STX2: variants seen among roughly 807,000 people sequenced by gnomAD.
The protein encoded by STX2 is syntaxin-2.
STX2 carries 27 observed loss-of-function variants against 40.6 expected under a neutral mutation model. That is an observed-to-expected ratio of 0.66 (90% CI 0.49 to 0.92). The LOEUF (loss-of-function observed/expected upper bound fraction) is 0.92, where lower values mean the gene tolerates loss of function less well. Ranked by LOEUF, STX2 falls within the 40% of genes least tolerant of loss-of-function variation. The probability of loss-of-function intolerance (pLI) is 0.00; values close to 1 mark genes in which losing one functional copy is unlikely to be tolerated. For synonymous variants in STX2, 123 were observed against 119.1 expected (o/e 1.03, Z -0.22); for missense variants, 328 against 366.1 (o/e 0.90, Z 0.85).
At chr12:130,831,526 G>C (rs1380071327) in intron 1 of STX2, among the ~76,000 whole-genome samples, 1 of 152,088 alleles carries the variant, frequency 6.6e-6, no homozygotes, top group African/African-American at 2.4e-5. Flanking sequence ...AAATTAGCCA[G>C]GCGTGGTGGC....
rs1428342483 is a variant in STX2, at chr12:130,801,443, C to T, written c.509G>A (p.Ser170Asn). The change falls in exon 7 of 11, where the codon AGC (serine) becomes AAC (asparagine). Residue 170 changes from serine to asparagine, a missense_variant. Coordinates refer to ENST00000392373, the MANE Select transcript of STX2 (RefSeq NM_194356.4). Reference sequence around the variant, plus strand: ...GGAAGTGAAGATGGATGGCTTCCCGCTCTCCAGCATCTCTTCTAGCTCGTC... The same window carrying T: ...GGAAGTGAAGATGGATGGCTTCCCGTTCTCCAGCATCTCTTCTAGCTCGTC... ...TDDELEEMLE[S>N]GKPSIFTSDI... 3 of 1,611,304 alleles carry T rather than the reference C, an allele frequency of 1.9e-6. No individual in the cohort carries two copies. Among genetic ancestry groups the T allele is most frequent in the East Asian group, 2.2e-5 (1 of 44,830 alleles).
chr12:130,832,793 C>T (rs548976800), intron 1 of STX2, among the ~76,000 whole-genome samples: 87 of 152,222 alleles, frequency 5.7e-4, no homozygotes, highest in Non-Finnish European at 9.8e-4. Flanking sequence ...CCACTCACTA[C>T]CGACAGCATC....
chr12:130,800,021 C>A (rs920233972), intron 8 of STX2, among the ~76,000 whole-genome samples: 2 of 152,074 alleles, frequency 1.3e-5, no homozygotes, highest in African/African-American at 2.4e-5. Context: ...ATGACTCCAG[C>A]CAAAACAGAT....
At position 130,791,826 on chromosome 12, in the gene STX2, G is replaced by A. The variant is rs539325713; in HGVS notation, c.*197C>T. 5.8e-5 allele frequency: 77 copies of A among 1,324,806 alleles called. 1 individual carries two copies. The African/African-American group carries it at 7.2e-4, about 12-fold the overall frequency. 82.1% of individuals were successfully genotyped at this position (1,324,806 alleles called of 1,614,324 possible). A position where few individuals can be genotyped will look rare whatever the true frequency, so the allele number is the denominator to read the frequency against. On this transcript the variant is annotated 3_prime_UTR_variant, in exon 11 of 11. Transcript: ENST00000392373. The stretch of plus-strand genomic sequence containing the variant: ...GTTACAGCGTCTGAGATTCATTCAC[G>A]AAATGACAGGATGCTGATTTGGTTG...
intron 3 of STX2, among the ~76,000 whole-genome samples, chr12:130,818,519 G>A (rs1472131559): frequency 6.6e-6 from 1 of 152,114 alleles, no homozygotes; most frequent in Non-Finnish European, 1.5e-5. Context: ...ATAACCGGTG[G>A]GACAGGATCT....
At chr12:130,804,524 C>T (rs997466800) in intron 6 of STX2, among the ~76,000 whole-genome samples, 1 of 152,036 alleles carries the variant, frequency 6.6e-6, no homozygotes, top group Non-Finnish European at 1.5e-5. Context: ...CGGCTGCACA[C>T]GTTCTACCCT....
rs778961491 is a variant in STX2, at chr12:130,821,638, A to C, written c.205+51T>G. The C allele has an allele frequency of 2.1e-6, 3 of 1,443,822 alleles. No homozygotes were observed. In the South Asian group the frequency reaches 3.4e-5, roughly 17 times the overall value. The allele number at this position is 1,443,822 out of a possible 1,614,324, so 89.4% of individuals were successfully genotyped here. On this transcript the variant is annotated intron_variant, in intron 3 of 10. Coordinates refer to ENST00000392373, the MANE Select transcript of STX2 (RefSeq NM_194356.4). ...GTTGAGGCCTGTGCCGCAGACAGCC[A>C]GAGGGACACACAGACAGACAAACGT...
chr12:130,816,731 G>A (rs540568496), intron 3 of STX2, among the ~76,000 whole-genome samples: 2 of 152,100 alleles, frequency 1.3e-5, no homozygotes, highest in African/African-American at 2.4e-5. Context: ...AACAAGGCAG[G>A]AAAGAAGACT....
In STX2 at chr12:130,790,872, C is replaced by T. The variant is rs538346713; in HGVS notation, c.*1151G>A. ...GGCGGAAACGGAGCTGAGGCCGAGG[C>T]TTTTCTGGAGGGCACCAGCACATTT... On this transcript the variant is annotated 3_prime_UTR_variant, in exon 11 of 11. Transcript: ENST00000392373. The T allele has an allele frequency of 1.3e-4, 20 of 152,726 alleles. No individual in the cohort carries two copies. Among genetic ancestry groups the T allele is most frequent in the African/African-American group, 4.6e-4 (19 of 41,556 alleles). The allele number at this position is 152,726 out of a possible 1,614,324, so 9.5% of individuals were successfully genotyped here. A position where few individuals can be genotyped will look rare whatever the true frequency, so the allele number is the denominator to read the frequency against.
At chr12:130,836,376 T>A (rs979753527) in intron 1 of STX2, among the ~76,000 whole-genome samples, 9 of 152,044 alleles carry the variant, frequency 5.9e-5, no homozygotes, top group African/African-American at 2.2e-4. Flanking sequence ...ACTCAAGCAA[T>A]CTTCCCACCT....
chr12:130,795,880 T>C (rs554077020), intron 10 of STX2, 115 bp downstream of exon 10: 36 of 1,289,932 alleles, frequency 2.8e-5, no homozygotes, highest in Non-Finnish European at 3.4e-5. Flanking sequence ...GATGGCATTA[T>C]CTGTACTGCG....
chr12:130,795,278 T>C (rs907352722), intron 10 of STX2, among the ~76,000 whole-genome samples: 7 of 152,190 alleles, frequency 4.6e-5, no homozygotes, highest in African/African-American at 1.2e-4. Context: ...CTCGATTCCA[T>C]AGTAAAATGA....
At chr12:130,831,510 A>T (rs1952555648) in intron 1 of STX2, among the ~76,000 whole-genome samples, 1 of 152,142 alleles carries the variant, frequency 6.6e-6, no homozygotes, top group Admixed American at 6.5e-5. Context: ...GGTACAAAAA[A>T]TACAAAAATT....
chr12:130,801,781 G>T (rs952005405), intron 6 of STX2, among the ~76,000 whole-genome samples: 1 of 152,116 alleles, frequency 6.6e-6, no homozygotes, highest in Non-Finnish European at 1.5e-5. Context: ...TCGGCACACT[G>T]GTTTCCCTAA....
At chr12:130,824,944 C>T (rs1347760334) in intron 2 of STX2, among the ~76,000 whole-genome samples, 1 of 152,168 alleles carries the variant, frequency 6.6e-6, no homozygotes, top group Non-Finnish European at 1.5e-5. Flanking sequence ...TTCCCACATG[C>T]CCCTGAGACG....
chr12:130,816,637 G>C (rs768053580), intron 3 of STX2, among the ~76,000 whole-genome samples: 1 of 152,122 alleles, frequency 6.6e-6, no homozygotes, highest in Non-Finnish European at 1.5e-5. Context: ...TTCTAAATCT[G>C]TGTAAAGCCA....
chr12:130,839,023 A>G, intron 1 of STX2, 47 bp downstream of exon 1: 1 of 1,281,246 alleles, frequency 7.8e-7, no homozygotes, highest in Non-Finnish European at 9.9e-7. Flanking sequence ...CGCCCTCCAG[A>G]CGCCGCCCCG....
intron 3 of STX2, among the ~76,000 whole-genome samples, chr12:130,813,891 C>A (rs1951753272): frequency 6.6e-6 from 1 of 152,212 alleles, no homozygotes; most frequent in Non-Finnish European, 1.5e-5. Flanking sequence ...GAGAGTCCTG[C>A]ACTTGCCTCT....
intron 3 of STX2, among the ~76,000 whole-genome samples, chr12:130,815,417 G>A (rs1355752496): frequency 1.3e-5 from 2 of 152,200 alleles, no homozygotes; most frequent in South Asian, 2.1e-4. Flanking sequence ...TGCCACCCTC[G>A]AACCTCATTA....
Sources: allele counts gnomAD v4.1 joint callset (sites outside exome capture counted in the v4.1 genomes callset), GRCh38; gene constraint gnomAD v4.1.1; transcripts MANE v1.5; gene names NCBI Gene and HGNC (gene_info 2026-07-23, HGNC 2026-07-21).